Variants in DAB1 observed in about 807,000 individuals in gnomAD.
The protein encoded by DAB1 is DAB adaptor protein 1, also known as disabled homolog 1.
A neutral mutation model predicts 64.6 loss-of-function variants in DAB1; 15 were observed. The ratio of observed to expected loss-of-function variants is 0.23; its 90% CI spans 0.16 to 0.36. The LOEUF (loss-of-function observed/expected upper bound fraction) is 0.36. Among genes scored for constraint, DAB1 ranks in the 10% least tolerant of loss-of-function variants. DAB1 has a pLI of 1.00. For missense variants in DAB1, 596 were observed against 706.7 expected (o/e 0.84, Z 1.78); for synonymous variants, 235 against 251.9 (o/e 0.93, Z 0.64).
At chr1:57,234,794 C>G (rs1427782184) in intron 2 of DAB1, among the ~76,000 whole-genome samples, 1 of 152,222 alleles carries the variant, frequency 6.6e-6, no homozygotes, top group African/African-American at 2.4e-5. Flanking sequence ...AATTCAGTTT[C>G]TTGTAGCTGT....
chr1:57,885,568 G>A (rs191714464), upstream of DAB1, among the ~76,000 whole-genome samples: 4 of 152,288 alleles, frequency 2.6e-5, no homozygotes, highest in African/African-American at 4.8e-5. Context: ...CTGGGGAAAT[G>A]TTGGGCTATA....
intron 7 of DAB1, among the ~76,000 whole-genome samples, chr1:57,472,698 T>C (rs1687183110): frequency 1.3e-5 from 2 of 152,086 alleles, no homozygotes; most frequent in African/African-American, 4.8e-5. Context: ...AGGACAGGAA[T>C]TGCTCACCCA....
intron 2 of DAB1, among the ~76,000 whole-genome samples, chr1:58,521,443 C>A (rs948515754): frequency 6.6e-6 from 1 of 150,898 alleles, no homozygotes; most frequent in Non-Finnish European, 1.5e-5. Flanking sequence ...AAAATGGTAA[C>A]TGACATAACA....
chr1:57,376,231 C>A (rs923291410), intron 1 of DAB1, among the ~76,000 whole-genome samples: 3 of 152,200 alleles, frequency 2.0e-5, no homozygotes, highest in Non-Finnish European at 4.4e-5. Context: ...TCTAGTTAAA[C>A]CCTTTCCACT....
chr1:58,119,367 TTGTTA>T (rs1243125645), intron 5 of DAB1, among the ~76,000 whole-genome samples: 1 of 151,998 alleles, frequency 6.6e-6, no homozygotes, highest in Non-Finnish European at 1.5e-5. Flanking sequence ...CCTACATTAT[TTGTTA>T]TATGTTTTAC....
rs547936313 is a variant in DAB1, at chr1:58,090,534, T to C, written n.387+59977A>G. ...GGGGTTTACATTTAGTCGTTGAGATTTGGATTCTAACTTTTCCCTATCTCC... is the reference window on the plus strand; with the variant it reads ...GGGGTTTACATTTAGTCGTTGAGATCTGGATTCTAACTTTTCCCTATCTCC... On this transcript the variant is annotated intron_variant and non_coding_transcript_variant, in intron 5 of 20. Transcript: ENST00000485760. Among the ~76,000 whole-genome samples the C allele has an allele frequency of 4.6e-5, 7 of 152,328 alleles. No individual in the cohort carries two copies. In the South Asian group the frequency reaches 8.3e-4, roughly 18 times the overall value.
chr1:58,362,066 T>C (rs909992738), intron 3 of DAB1, among the ~76,000 whole-genome samples: 2 of 152,062 alleles, frequency 1.3e-5, no homozygotes, highest in Non-Finnish European at 2.9e-5. Flanking sequence ...CGTTTCACCA[T>C]GTTGGCCAGG....
chr1:57,891,886 T>G (rs1463762038), intron 5 of DAB1, among the ~76,000 whole-genome samples: 1 of 152,082 alleles, frequency 6.6e-6, no homozygotes, highest in African/African-American at 2.4e-5. Flanking sequence ...GGAGAAATAT[T>G]TAATGTAGAC....
intron 9 of DAB1, among the ~76,000 whole-genome samples, chr1:57,039,784 A>G (rs1000321740): frequency 6.6e-6 from 1 of 152,200 alleles, no homozygotes; most frequent in African/African-American, 2.4e-5. Flanking sequence ...CAGGCAGAAA[A>G]TCATTATGCA....
At chr1:57,146,968 T>C (rs1659200630) in intron 2 of DAB1, among the ~76,000 whole-genome samples, 1 of 152,058 alleles carries the variant, frequency 6.6e-6, no homozygotes, top group African/African-American at 2.4e-5. Context: ...TTCAGTGAGA[T>C]AGTATGTGTG....
intron 6 of DAB1, among the ~76,000 whole-genome samples, chr1:57,819,844 C>T (rs1652037612): frequency 6.6e-6 from 1 of 152,018 alleles, no homozygotes; most frequent in South Asian, 2.1e-4. Flanking sequence ...TTTATAGTCT[C>T]CCTAGGAGAA....
chr1:57,905,764 A>C (rs1366205326), intron 5 of DAB1, among the ~76,000 whole-genome samples: 1 of 152,154 alleles, frequency 6.6e-6, no homozygotes. Flanking sequence ...GAGAAGAAGA[A>C]GAGAAACCAG....
At chr1:58,158,458 G>A (rs977462429) in intron 4 of DAB1, among the ~76,000 whole-genome samples, 3 of 152,082 alleles carry the variant, frequency 2.0e-5, no homozygotes, top group Admixed American at 6.5e-5. Context: ...AAAACTCTCG[G>A]TCCACATCCA....
At position 58,409,005 on chromosome 1, in the gene DAB1, G is replaced by A. The variant is rs566888089; in HGVS notation, n.258-65602C>T. Among the ~76,000 whole-genome samples, 4 of 151,394 alleles carry A rather than the reference G, an allele frequency of 2.6e-5. No individual in the cohort carries two copies. The South Asian group carries it at 8.4e-4, about 32-fold the overall frequency. Reference sequence around the variant, plus strand: ...AGGAAACTTGAGGTTTAAGTCAAAGGTAAGACTCACACAGAGGTGATCACG... The same window carrying A: ...AGGAAACTTGAGGTTTAAGTCAAAGATAAGACTCACACAGAGGTGATCACG... On this transcript the variant is annotated intron_variant and non_coding_transcript_variant, in intron 3 of 20. Coordinates refer to the DAB1 transcript ENST00000485760.
At chr1:57,618,219 G>C (rs11809372) in intron 7 of DAB1, among the ~76,000 whole-genome samples, 3 of 151,914 alleles carry the variant, frequency 2.0e-5, no homozygotes, top group Admixed American at 6.6e-5. Flanking sequence ...GTTCAAGACC[G>C]GCCTAGCCAA....
chr1:58,486,508 G>A (rs931568871), intron 3 of DAB1, among the ~76,000 whole-genome samples: 4 of 152,018 alleles, frequency 2.6e-5, no homozygotes, highest in Non-Finnish European at 5.9e-5. Flanking sequence ...CTATTATATT[G>A]CTTATCCTGC....
chr1:57,499,126 C>A (rs1644261857), intron 7 of DAB1, among the ~76,000 whole-genome samples: 1 of 152,152 alleles, frequency 6.6e-6, no homozygotes, highest in Non-Finnish European at 1.5e-5. Flanking sequence ...CAGATGCACA[C>A]CACCACGCCC....
chr1:57,631,151 A>G (rs942767297), intron 7 of DAB1, among the ~76,000 whole-genome samples: 1 of 152,198 alleles, frequency 6.6e-6, no homozygotes, highest in Non-Finnish European at 1.5e-5. Context: ...CTCCTTCTCA[A>G]TACAAAACCT....
intron 2 of DAB1, among the ~76,000 whole-genome samples, chr1:57,273,968 C>T (rs1188837080): frequency 1.3e-5 from 2 of 152,104 alleles, no homozygotes; most frequent in South Asian, 2.1e-4. Flanking sequence ...ATTTTCCTCA[C>T]TGAAGTTATT....
Sources: gnomAD v4.1 joint callset for allele counts (sites outside exome capture counted in the v4.1 genomes callset) on GRCh38, gnomAD v4.1.1 for gene constraint, MANE v1.5 for transcripts, NCBI Gene and HGNC (gene_info 2026-07-23, HGNC 2026-07-21) for gene names.